The following ANO2 variants were observed in gnomAD, a reference collection of about 807,000 sequenced individuals.
ANO2 encodes anoctamin 2.
Under a neutral mutation model 124.2 loss-of-function variants are expected in ANO2, and 101 were observed. The ratio of observed to expected loss-of-function variants is 0.81; its 90% CI spans 0.69 to 0.96. The LOEUF (loss-of-function observed/expected upper bound fraction) is 0.96. Among genes scored for constraint, ANO2 ranks in the 40% least tolerant of loss-of-function variants. The probability of loss-of-function intolerance (pLI) is 0.00; values close to 1 mark genes in which losing one functional copy is unlikely to be tolerated. For synonymous variants in ANO2, 486 were observed against 482.5 expected (o/e 1.01, Z -0.09); for missense variants, 1,293 against 1,274.5 (o/e 1.01, Z -0.22).
rs375074786 is a variant in ANO2, at chr12:5,658,889, C to A, written c.1546-11088G>T. ...TCATCATCATCAACATCATTATCAT[C>A]ATTAAAATCATCATCAGCAACAGCA... On this transcript the variant is annotated intron_variant, in intron 14 of 24. Transcript: ENST00000682330. The surrounding 1 kb of genome is among the most constrained non-coding windows in gnomAD (Gnocchi z 4.3). Among the ~76,000 whole-genome samples the A allele has an allele frequency of 6.6e-6, 1 of 152,160 alleles. No homozygotes were observed. The highest frequency in any genetic ancestry group is 1.5e-5 in the Non-Finnish European group (1 of 68,032).
At chr12:5,794,089 T>C (rs774007899) in intron 10 of ANO2, among the ~76,000 whole-genome samples, 17 of 152,234 alleles carry the variant, frequency 1.1e-4, no homozygotes, top group Non-Finnish European at 2.2e-4. Context: ...TGCTTTTCTC[T>C]GTCTACCCTT....
intron 10 of ANO2, among the ~76,000 whole-genome samples, chr12:5,762,857 T>G (rs560791715): frequency 9.9e-5 from 15 of 151,990 alleles, no homozygotes; most frequent in Admixed American, 3.9e-4. Context: ...GCCTTTTAAG[T>G]TAAACAAAAA....
At chr12:5,828,193 T>C (rs1490640735) in intron 6 of ANO2, among the ~76,000 whole-genome samples, 1 of 152,028 alleles carries the variant, frequency 6.6e-6, no homozygotes, top group Non-Finnish European at 1.5e-5. Context: ...TAGGGCACAG[T>C]GTCTGCCGCC....
intron 15 of ANO2, among the ~76,000 whole-genome samples, chr12:5,640,867 C>T (rs578163080): frequency 3.2e-4 from 49 of 152,282 alleles, no homozygotes; most frequent in East Asian, 2.7e-3. Context: ...AGTGATCCCA[C>T]TACTGGGTAC....
intron 14 of ANO2, among the ~76,000 whole-genome samples, chr12:5,694,163 T>TAA (rs35627107): frequency 6.6e-6 from 1 of 150,860 alleles, no homozygotes; most frequent in African/African-American, 2.4e-5. Context: ...CTCTCCACTA[T>TAA]AAAAAAATGT....
At chr12:5,877,463 G>A (rs1938186592) in intron 3 of ANO2, among the ~76,000 whole-genome samples, 1 of 152,184 alleles carries the variant, frequency 6.6e-6, no homozygotes, top group Non-Finnish European at 1.5e-5. Context: ...TTAGAAATAT[G>A]ATTGGGTTGA....
chr12:5,625,840 G>A (rs2136924464), intron 16 of ANO2, among the ~76,000 whole-genome samples: 1 of 152,178 alleles, frequency 6.6e-6, no homozygotes, highest in South Asian at 2.1e-4. Context: ...GGGGACTCTG[G>A]GCTGGAAGTC....
Position 5,658,264 on chromosome 12 carries a change from A to G in ANO2, c.1546-10463T>C, listed in dbSNP as rs1447930717. Among the ~76,000 whole-genome samples, 1 of 152,230 alleles carries G rather than the reference A, an allele frequency of 6.6e-6. No homozygotes were observed. The highest frequency in any genetic ancestry group is 6.5e-5 in the Admixed American group (1 of 15,280). ...CACCCATAACAAAGAGATTGAAAAT[A>G]GTGCCAACGGTATGAGATTGCTGCT... On this transcript the variant is annotated intron_variant, in intron 14 of 24. Coordinates refer to ENST00000682330, the MANE Select transcript of ANO2 (RefSeq NM_001364791.2). The surrounding 1 kb of genome is among the most constrained non-coding windows in gnomAD (Gnocchi z 4.3).
chr12:5,880,541 G>A (rs1448139920), intron 3 of ANO2, among the ~76,000 whole-genome samples: 1 of 152,046 alleles, frequency 6.6e-6, no homozygotes, highest in Non-Finnish European at 1.5e-5. Flanking sequence ...AGAGGCAGAG[G>A]AGATTCAGGA....
intron 15 of ANO2, among the ~76,000 whole-genome samples, chr12:5,640,625 T>C (rs564105166): frequency 5.3e-5 from 8 of 152,088 alleles, no homozygotes; most frequent in South Asian, 2.1e-4. Context: ...CATGAAAAAA[T>C]GCTCATCATC....
At chr12:5,644,781 TATAA>T (rs1184802325) in intron 15 of ANO2, among the ~76,000 whole-genome samples, 1 of 152,268 alleles carries the variant, frequency 6.6e-6, no homozygotes, top group African/African-American at 2.4e-5. Flanking sequence ...TCTATTTGTC[TATAA>T]ATATCTTTAT....
At chr12:5,790,989 C>A (rs967417426) in intron 10 of ANO2, among the ~76,000 whole-genome samples, 1 of 152,172 alleles carries the variant, frequency 6.6e-6, no homozygotes, top group Non-Finnish European at 1.5e-5. Context: ...CTGTAGCATC[C>A]TCACTCTAGT....
rs775440453 is a variant in ANO2, at chr12:5,750,933, A to G, written c.1093T>C (p.Trp365Arg). The change falls in exon 11 of 25, where the codon TGG becomes CGG. Residue 365 changes from tryptophan to arginine, a missense_variant. By Grantham distance (101) the Trp-to-Arg change is moderately radical. Transcript: ENST00000682330. Reference sequence around the variant, plus strand: ...AGGAATGATGTATATAATCCCAGCCAGGCAAAATACAGTCCAATTTTTTCT... The same window carrying G: ...AGGAATGATGTATATAATCCCAGCCGGGCAAAATACAGTCCAATTTTTTCT... ...FGEKIGLYFA[W>R]LGLYTSFLIP... 1 of 1,608,876 alleles carries G rather than the reference A, an allele frequency of 6.2e-7. No homozygotes were observed. The highest frequency in any genetic ancestry group is 8.5e-7 in the Non-Finnish European group (1 of 1,177,292).
chr12:5,740,479 A>G (rs1951054110), intron 12 of ANO2: 1 of 155,440 alleles, frequency 6.4e-6, no homozygotes. Flanking sequence ...ACACCATTCT[A>G]GGCATTGTCA....
chr12:5,779,333 T>C (rs3782646), intron 10 of ANO2, among the ~76,000 whole-genome samples: 29,086 of 152,208 alleles, frequency 0.19, 3,302 homozygotes, highest in Admixed American at 0.26. Context: ...CATTTAAACA[T>C]AAATCAATCT....
chr12:5,936,366 T>C (rs1025208555), intron 1 of ANO2, among the ~76,000 whole-genome samples: 1 of 152,180 alleles, frequency 6.6e-6, no homozygotes, highest in Non-Finnish European at 1.5e-5. Context: ...TGCAGCAGAA[T>C]TAAGAAGTGG....
At chr12:5,567,219 T>A (rs1366696646) in intron 23 of ANO2, among the ~76,000 whole-genome samples, 3 of 151,990 alleles carry the variant, frequency 2.0e-5, no homozygotes, top group African/African-American at 4.8e-5. Flanking sequence ...GACATCCGGA[T>A]GAAAAGCAAA....
chr12:5,680,626 A>G (rs1297338029), intron 14 of ANO2, among the ~76,000 whole-genome samples: 1 of 152,230 alleles, frequency 6.6e-6, no homozygotes, highest in East Asian at 1.9e-4. Context: ...AAGCTGCATT[A>G]TAAAGTAGTG....
chr12:5,633,971 C>T (rs553252931), intron 16 of ANO2, among the ~76,000 whole-genome samples: 53 of 152,270 alleles, frequency 3.5e-4, no homozygotes, highest in African/African-American at 1.1e-3. Flanking sequence ...TCCAGTCAAA[C>T]GCCTCTCCCT....
Sources: allele counts gnomAD v4.1 joint callset (sites outside exome capture counted in the v4.1 genomes callset), GRCh38; gene constraint gnomAD v4.1.1; non-coding constraint Gnocchi (gnomAD v3.1); transcripts MANE v1.5; gene names NCBI Gene and HGNC (gene_info 2026-07-23, HGNC 2026-07-21).